CLIC5: variants seen among roughly 807,000 people sequenced by gnomAD.
CLIC5 encodes chloride intracellular channel protein 5.
CLIC5 carries 20 observed loss-of-function variants against 24.7 expected under a neutral mutation model. The observed-to-expected ratio is 0.81, with a 90% CI of 0.57 to 1.18. The LOEUF is 1.18. Among genes scored for constraint, CLIC5 ranks in the 50% most tolerant of loss-of-function variants. The pLI is 0.00. For missense variants in CLIC5, 341 were observed against 326.1 expected (o/e 1.05, Z -0.35); for synonymous variants, 159 against 135.6 (o/e 1.17, Z -1.20).
chr6:45,962,886 G>T (rs1282961293), intron 1 of CLIC5, among the ~76,000 whole-genome samples: 1 of 152,128 alleles, frequency 6.6e-6, no homozygotes, highest in Non-Finnish European at 1.5e-5. Context: ...TGGCCCATTG[G>T]GGTGTCTGTC....
At chr6:46,048,159 C>A (rs1045151044) in intron 1 of CLIC5, among the ~76,000 whole-genome samples, 1 of 152,020 alleles carries the variant, frequency 6.6e-6, no homozygotes, top group South Asian at 2.1e-4. Flanking sequence ...CATGCCACCA[C>A]GCCTGGTTAA....
At chr6:45,929,117 C>T (rs1246158888) in intron 4 of CLIC5, among the ~76,000 whole-genome samples, 4 of 152,016 alleles carry the variant, frequency 2.6e-5, no homozygotes, top group Non-Finnish European at 4.4e-5. Context: ...GCCCAGCTCT[C>T]CCCACCCCCT....
intron 6 of CLIC5, among the ~76,000 whole-genome samples, chr6:45,891,675 G>T (rs369203217): frequency 6.6e-6 from 1 of 151,514 alleles, no homozygotes; most frequent in Non-Finnish European, 1.5e-5. Context: ...TATGATGCAT[G>T]TGTAAGTGTG....
At chr6:45,939,303 T>C in intron 4 of CLIC5, among the ~76,000 whole-genome samples, 1 of 137,158 alleles carries the variant, frequency 7.3e-6, no homozygotes, top group East Asian at 2.4e-4. Flanking sequence ...AACCTTCGCC[T>C]CCTGGGTTCA....
intron 4 of CLIC5, among the ~76,000 whole-genome samples, chr6:45,935,420 G>C (rs528042895): frequency 3.3e-5 from 5 of 152,330 alleles, no homozygotes; most frequent in Admixed American, 6.5e-5. Context: ...GATTAAGGGG[G>C]AGGACAGACC....
intron 6 of CLIC5, among the ~76,000 whole-genome samples, chr6:45,887,156 C>T (rs1005452484): frequency 3.3e-5 from 5 of 152,236 alleles, no homozygotes; most frequent in Admixed American, 1.3e-4. Context: ...TGAACAAATG[C>T]ATGGTATATC....
intron 1 of CLIC5, among the ~76,000 whole-genome samples, chr6:46,026,456 C>G (rs1264002787): frequency 1.3e-5 from 2 of 152,110 alleles, no homozygotes; most frequent in Non-Finnish European, 2.9e-5. Context: ...AATCTATATT[C>G]AGGAAGGTAG....
chr6:45,886,698 G>A (rs1490600043), intron 6 of CLIC5, among the ~76,000 whole-genome samples: 1 of 152,170 alleles, frequency 6.6e-6, no homozygotes, highest in African/African-American at 2.4e-5. Flanking sequence ...TTGAAAATGG[G>A]TATCTTCTGC....
chr6:46,068,513 A>G (rs1762504300), intron 1 of CLIC5, among the ~76,000 whole-genome samples: 1 of 152,128 alleles, frequency 6.6e-6, no homozygotes, highest in Non-Finnish European at 1.5e-5. Context: ...TTCCTTCAGG[A>G]GTTCACAGCT....
At chr6:45,985,406 C>T (rs983126301) in intron 1 of CLIC5, among the ~76,000 whole-genome samples, 2 of 152,184 alleles carry the variant, frequency 1.3e-5, no homozygotes, top group African/African-American at 2.4e-5. Context: ...ATTTGACCTC[C>T]TTGTTAATTT....
At chr6:46,026,888 G>A (rs1463285346) in intron 1 of CLIC5, among the ~76,000 whole-genome samples, 4 of 152,006 alleles carry the variant, frequency 2.6e-5, no homozygotes, top group Middle Eastern at 3.2e-3. Context: ...GTCTAAGTTT[G>A]AATAACCAGA....
rs1554151294 is a variant in CLIC5, at chr6:45,958,445, T to TATACACACACACACACACACACACACAC, written c.64-3202_64-3201insGTGTGTGTGTGTGTGTGTGTGTGTGTAT. ...AATTATATATATATATATATATATA[T>TATACACACACACACACACACACACACAC]ATATATATATATATATATATATATA... On this transcript the variant is annotated intron_variant, in intron 1 of 5. Coordinates refer to ENST00000339561, the MANE Select transcript of CLIC5 (RefSeq NM_016929.5). 8.4e-4 allele frequency among the ~76,000 whole-genome samples: 64 copies of TATACACACACACACACACACACACACAC among 76,446 alleles called. 2 individuals are homozygous for TATACACACACACACACACACACACACAC. The highest frequency in any genetic ancestry group is 1.2e-3 in the Non-Finnish European group (44 of 36,236). 50.2% of individuals were successfully genotyped at this position (76,446 alleles called of 152,430 possible). A position where few individuals can be genotyped will look rare whatever the true frequency, so the allele number is the denominator to read the frequency against.
In CLIC5 at chr6:45,922,823, A is replaced by AAGAGAGAGAGAGAGAGAGAGAGAGAGAG. The variant is rs547902327; in HGVS notation, c.407-8415_407-8414insCTCTCTCTCTCTCTCTCTCTCTCTCTCT. 3.0e-4 allele frequency among the ~76,000 whole-genome samples: 42 copies of AAGAGAGAGAGAGAGAGAGAGAGAGAGAG among 140,682 alleles called. 3 individuals carry two copies. The highest frequency in any genetic ancestry group is 4.5e-4 in the Non-Finnish European group (29 of 65,050). 92.3% of individuals were successfully genotyped at this position (140,682 alleles called of 152,430 possible). A position where few individuals can be genotyped will look rare whatever the true frequency, so the allele number is the denominator to read the frequency against. On this transcript the variant is annotated intron_variant, in intron 4 of 5. Coordinates refer to ENST00000339561, the MANE Select transcript of CLIC5 (RefSeq NM_016929.5). ...GAAGGGAGGAAGAGAGAGAGAGAGA[A>AAGAGAGAGAGAGAGAGAGAGAGAGAGAG]AGAGAGAGAGATAGAGAGAGAGAGA...
At chr6:45,987,827 C>T (rs905202390) in intron 1 of CLIC5, among the ~76,000 whole-genome samples, 43 of 152,254 alleles carry the variant, frequency 2.8e-4, no homozygotes, top group African/African-American at 9.6e-4. Context: ...TTCATTTAAC[C>T]TTAATTATTT....
rs1427528809 is a variant in CLIC5, at chr6:46,054,049, T to C, written c.540+25654A>G. 3.3e-5 allele frequency among the ~76,000 whole-genome samples: 5 copies of C among 152,158 alleles called. No homozygotes were observed. The East Asian group carries it at 7.7e-4, about 23-fold the overall frequency. ...TAAAGAAGCCTGTTTTGCTTTGGAA[T>C]TGATGCTTGGGAAGCTCCAGGTGGG... On this transcript the variant is annotated intron_variant, in intron 1 of 5. Coordinates refer to the CLIC5 transcript ENST00000185206.
intron 1 of CLIC5, among the ~76,000 whole-genome samples, chr6:46,030,280 C>T (rs1483416752): frequency 6.6e-6 from 1 of 152,112 alleles, no homozygotes; most frequent in Non-Finnish European, 1.5e-5. Flanking sequence ...AGAAACCAAG[C>T]CCATATTTTT....
intron 3 of CLIC5, among the ~76,000 whole-genome samples, chr6:45,945,317 T>C (rs1002195953): frequency 2.0e-5 from 3 of 152,238 alleles, no homozygotes; most frequent in African/African-American, 7.2e-5. Flanking sequence ...GTCATTTGCC[T>C]GTAGCGGAGA....
chr6:46,081,906 T>G (rs1466870726), upstream of CLIC5, among the ~76,000 whole-genome samples: 2 of 152,200 alleles, frequency 1.3e-5, no homozygotes, highest in Non-Finnish European at 2.9e-5. Context: ...GATCACACAC[T>G]GTCCCTTCCC....
chr6:46,047,159 G>A (rs1258908479), intron 1 of CLIC5, among the ~76,000 whole-genome samples: 2 of 152,204 alleles, frequency 1.3e-5, no homozygotes, highest in Non-Finnish European at 2.9e-5. Context: ...GCCTCAGATG[G>A]TATTAGAGTT....
Sources: allele counts gnomAD v4.1 joint callset (sites outside exome capture counted in the v4.1 genomes callset), GRCh38; gene constraint gnomAD v4.1.1; transcripts MANE v1.5; gene names NCBI Gene and HGNC (gene_info 2026-07-23, HGNC 2026-07-21).